NBEA: variants seen among roughly 807,000 people sequenced by gnomAD.
NBEA encodes lysosomal-trafficking regulator 2.
NBEA carries 44 observed loss-of-function variants against 343.4 expected under a neutral mutation model. The ratio of observed to expected loss-of-function variants is 0.13; its 90% confidence interval spans 0.10 to 0.16. The LOEUF (loss-of-function observed/expected upper bound fraction) is 0.16, where lower values mean the gene tolerates loss of function less well. Among genes scored for constraint, NBEA ranks in the 10% least tolerant of loss-of-function variants. NBEA has a pLI of 1.00. For missense variants in NBEA, 2,555 were observed against 3,631.3 expected (o/e 0.70, Z 7.62); for synonymous variants, 1,175 against 1,238.7 (o/e 0.95, Z 1.08).
intron 38 of NBEA, among the ~76,000 whole-genome samples, chr13:35,385,258 A>C (rs2042191425): frequency 6.6e-6 from 1 of 152,076 alleles, no homozygotes; most frequent in African/African-American, 2.4e-5. Flanking sequence ...AAGGTTTTAA[A>C]ATTTTTGTTT....
intron 41 of NBEA, chr13:35,475,830 G>A (rs748629440): frequency 7.4e-6 from 12 of 1,613,830 alleles, no homozygotes; most frequent in Non-Finnish European, 1.0e-5. Context: ...TGCGCCCGTC[G>A]CTCAACTTCA....
rs1283900220 is a variant in NBEA, at chr13:34,987,224, C to T, written c.294+44110C>T. On this transcript the variant is annotated intron_variant, in intron 1 of 58. Coordinates refer to ENST00000379939, the MANE Select transcript of NBEA (RefSeq NM_001385012.1). ...ACAAAATCTGTCAGCCTTTGCTTGT[C>T]TGTAAAGGATTTTATTTCTCCTTCA... Among the ~76,000 whole-genome samples, 4 of 151,048 alleles carry T rather than the reference C, an allele frequency of 2.6e-5. No homozygotes were observed. In the East Asian group the frequency reaches 7.7e-4, roughly 29 times the overall value.
At chr13:34,952,752 C>T (rs985754508) in intron 1 of NBEA, among the ~76,000 whole-genome samples, 9 of 151,992 alleles carry the variant, frequency 5.9e-5, no homozygotes, top group Admixed American at 3.9e-4. Context: ...ATATATTTCT[C>T]TTTAGCAAAT....
intron 34 of NBEA, among the ~76,000 whole-genome samples, chr13:35,243,806 A>G (rs2030731157): frequency 6.6e-6 from 1 of 151,950 alleles, no homozygotes; most frequent in Non-Finnish European, 1.5e-5. Flanking sequence ...ATCGTGGGAG[A>G]CATTCATATC....
intron 38 of NBEA, among the ~76,000 whole-genome samples, chr13:35,431,090 G>GA (rs1308191663): frequency 6.6e-6 from 1 of 151,678 alleles, no homozygotes; most frequent in Non-Finnish European, 1.5e-5. Context: ...GCCATACATT[G>GA]AAAAAATCCA....
At chr13:35,093,725 G>A (rs1424524612) in intron 10 of NBEA, among the ~76,000 whole-genome samples, 1 of 151,958 alleles carries the variant, frequency 6.6e-6, no homozygotes, top group Non-Finnish European at 1.5e-5. Context: ...AATTTCTAAA[G>A]CATTCATCTA....
At chr13:35,166,415 C>CGTCAGT (rs2070037831) in intron 24 of NBEA, among the ~76,000 whole-genome samples, 1 of 152,022 alleles carries the variant, frequency 6.6e-6, no homozygotes, top group Non-Finnish European at 1.5e-5. Context: ...GGTTGGCTTC[C>CGTCAGT]AAAATTATTA....
At chr13:35,119,234 C>G (rs1456510009) in intron 16 of NBEA, among the ~76,000 whole-genome samples, 1 of 152,000 alleles carries the variant, frequency 6.6e-6, no homozygotes, top group Non-Finnish European at 1.5e-5. Flanking sequence ...TTAAGGAATT[C>G]TTCGTTTTTA....
At chr13:35,155,361 C>CTGA (rs1224613428) in intron 18 of NBEA, among the ~76,000 whole-genome samples, 1 of 152,064 alleles carries the variant, frequency 6.6e-6, no homozygotes, top group Non-Finnish European at 1.5e-5. Flanking sequence ...TGGTGGCTCA[C>CTGA]ACCTGTAACC....
intron 41 of NBEA, among the ~76,000 whole-genome samples, chr13:35,545,890 G>A (rs2079037916): frequency 6.6e-6 from 1 of 152,126 alleles, no homozygotes; most frequent in African/African-American, 2.4e-5. Context: ...GTTGTTTGGT[G>A]GACTATACCA....
chr13:35,419,116 G>C (rs1421462457), intron 38 of NBEA, among the ~76,000 whole-genome samples: 3 of 152,016 alleles, frequency 2.0e-5, no homozygotes, highest in African/African-American at 7.2e-5. Context: ...ATGGCATCAT[G>C]TCAGCACTCA....
chr13:35,575,529 T>C (rs948304066), intron 45 of NBEA, among the ~76,000 whole-genome samples: 62 of 152,182 alleles, frequency 4.1e-4, no homozygotes, highest in African/African-American at 1.4e-3. Flanking sequence ...CTAATAACAA[T>C]ACCCATTAAC....
chr13:35,102,174 G>T (rs1032261139), intron 11 of NBEA, among the ~76,000 whole-genome samples: 1 of 150,638 alleles, frequency 6.6e-6, no homozygotes, highest in Non-Finnish European at 1.5e-5. Flanking sequence ...CCCCATGTAT[G>T]TCATCTAGCT....
intron 44 of NBEA, among the ~76,000 whole-genome samples, chr13:35,555,852 A>C (rs929135965): frequency 1.3e-5 from 2 of 152,104 alleles, no homozygotes; most frequent in Non-Finnish European, 2.9e-5. Context: ...TTGTTTTGTT[A>C]TGAATGAATG....
chr13:35,339,186 A>G (rs1259717628), intron 36 of NBEA, among the ~76,000 whole-genome samples: 1 of 152,072 alleles, frequency 6.6e-6, no homozygotes, highest in Non-Finnish European at 1.5e-5. Context: ...AAAACTGTCT[A>G]AATTGAAAAC....
At chr13:35,139,879 A>G (rs893957439) in intron 17 of NBEA, among the ~76,000 whole-genome samples, 3 of 151,068 alleles carry the variant, frequency 2.0e-5, no homozygotes, top group Non-Finnish European at 4.4e-5. Context: ...AGCATCTTCA[A>G]GTTTCCCCCG....
intron 34 of NBEA, among the ~76,000 whole-genome samples, chr13:35,268,694 A>T (rs2033888858): frequency 6.6e-6 from 1 of 152,118 alleles, no homozygotes; most frequent in Admixed American, 6.5e-5. Flanking sequence ...CATTTTGTAT[A>T]TTCATTTCCA....
At chr13:35,328,657 A>G (rs1439471810) in intron 36 of NBEA, among the ~76,000 whole-genome samples, 5 of 151,966 alleles carry the variant, frequency 3.3e-5, no homozygotes, top group Non-Finnish European at 1.5e-5. Flanking sequence ...TAACATATAA[A>G]TATATTTAAA....
chr13:35,184,290 A>G (rs991290234), intron 30 of NBEA, among the ~76,000 whole-genome samples: 2 of 152,026 alleles, frequency 1.3e-5, no homozygotes, highest in African/African-American at 4.8e-5. Context: ...AATTAAGGAT[A>G]CCTAATTATA....
Sources: allele counts gnomAD v4.1 joint callset (sites outside exome capture counted in the v4.1 genomes callset), GRCh38; gene constraint gnomAD v4.1.1; transcripts MANE v1.5; gene names NCBI Gene and HGNC (gene_info 2026-07-23, HGNC 2026-07-21).